Variants in CCDC171 observed in about 807,000 individuals in gnomAD.
CCDC171 encodes the protein coiled-coil domain containing 171, also known as coiled-coil domain-containing protein 171.
Under a neutral mutation model 168.2 loss-of-function variants are expected in CCDC171, and 177 were observed. The ratio of observed to expected loss-of-function variants is 1.05; its 90% CI spans 0.93 to 1.19. The LOEUF is 1.19. CCDC171 is among the 50% of genes most tolerant of loss of function. The pLI is 0.00. For missense variants in CCDC171, 1,991 were observed against 1,539.0 expected (o/e 1.29, Z -4.91); for synonymous variants, 687 against 540.8 (o/e 1.27, Z -3.75).
the CCDC171 span, among the ~76,000 whole-genome samples, chr9:16,099,916 C>T: frequency 1.3e-5 from 2 of 152,148 alleles, no homozygotes; most frequent in African/African-American, 4.8e-5. Context: ...CTCTCACTGG[C>T]CATTGCTTGC....
At chr9:15,588,874 AT>A (rs2041783772) in intron 4 of CCDC171, among the ~76,000 whole-genome samples, 1 of 150,986 alleles carries the variant, frequency 6.6e-6, no homozygotes, top group Non-Finnish European at 1.5e-5. Context: ...CGCCCGGCTA[AT>A]TTTTTGTATT....
rs140677784 is a variant in CCDC171 at position 15,883,655 on chromosome 9, A to T, written c.3600+8992A>T. 6.0e-4 allele frequency among the ~76,000 whole-genome samples: 91 copies of T among 152,306 alleles called. 1 individual carries two copies. The highest frequency in any genetic ancestry group is 1.0e-3 in the Admixed American group (16 of 15,302). On this transcript the variant is annotated intron_variant, in intron 24 of 25. Transcript: ENST00000380701. Reference sequence around the variant, plus strand: ...AAGGGCAAGTAATTGCATCCGTGTAAAGCTTCTGCTACAGTTTTAAAGAAT... The same window carrying T: ...AAGGGCAAGTAATTGCATCCGTGTATAGCTTCTGCTACAGTTTTAAAGAAT...
At chr9:15,867,418 A>G (rs920805282) in intron 23 of CCDC171, among the ~76,000 whole-genome samples, 1 of 152,044 alleles carries the variant, frequency 6.6e-6, no homozygotes, top group Non-Finnish European at 1.5e-5. Flanking sequence ...TGCCTCTAAA[A>G]AACCCAATTT....
intron 7 of CCDC171, among the ~76,000 whole-genome samples, chr9:15,626,761 T>G (rs1313367079): frequency 6.6e-6 from 1 of 152,236 alleles, no homozygotes; most frequent in African/African-American, 2.4e-5. Context: ...TCAGGGATAT[T>G]GGTCTAAAAT....
intron 24 of CCDC171, among the ~76,000 whole-genome samples, chr9:15,904,431 A>G (rs1822203800): frequency 6.6e-6 from 1 of 152,092 alleles, no homozygotes; most frequent in South Asian, 2.1e-4. Context: ...TAAGCTTCAT[A>G]AGTGAAGGAG....
chr9:15,729,898 C>A (rs922689351), intron 16 of CCDC171, 100 bp downstream of exon 16: 2 of 862,546 alleles, frequency 2.3e-6, no homozygotes, highest in Admixed American at 4.9e-5. Flanking sequence ...GTTTAAACTT[C>A]TTAAGAACTT....
At chr9:15,769,643 A>G (rs1447083445) in intron 18 of CCDC171, among the ~76,000 whole-genome samples, 1 of 152,216 alleles carries the variant, frequency 6.6e-6, no homozygotes, top group Non-Finnish European at 1.5e-5. Context: ...CTAATCAGTA[A>G]TCATGAGAGT....
At chr9:15,554,780 G>T (rs770026691) in intron 1 of CCDC171, among the ~76,000 whole-genome samples, 1 of 152,100 alleles carries the variant, frequency 6.6e-6, no homozygotes, top group Non-Finnish European at 1.5e-5. Flanking sequence ...AGCCAGATGT[G>T]GATTTGAATT....
rs189384664 is a variant in CCDC171 at position 15,713,180 on chromosome 9, C to T, written c.1319-8589C>T. Among the ~76,000 whole-genome samples, 151 of 152,336 alleles carry T rather than the reference C, an allele frequency of 9.9e-4. 2 individuals carry two copies. Among genetic ancestry groups the T allele is most frequent in the African/African-American group, 3.3e-3 (136 of 41,572 alleles). On this transcript the variant is annotated intron_variant, in intron 11 of 25. Transcript: ENST00000380701. Reference sequence around the variant, plus strand: ...AATGATAGTCACATCCACTACTTGACGTTCTGCTTACTGGAAGGATTCTTT... The same window carrying T: ...AATGATAGTCACATCCACTACTTGATGTTCTGCTTACTGGAAGGATTCTTT...
chr9:15,955,434 G>A (rs1386217330), intron 25 of CCDC171, among the ~76,000 whole-genome samples: 1 of 152,110 alleles, frequency 6.6e-6, no homozygotes, highest in Non-Finnish European at 1.5e-5. Flanking sequence ...GACAATCAGA[G>A]CACAGATCCT....
At chr9:15,570,662 G>T (rs927379387) in intron 2 of CCDC171, among the ~76,000 whole-genome samples, 1 of 152,102 alleles carries the variant, frequency 6.6e-6, no homozygotes, top group African/African-American at 2.4e-5. Flanking sequence ...GTATCTTTAG[G>T]TATTTTTCAC....
In CCDC171 at chr9:15,666,280, C is replaced by T. The variant is rs750923712; in HGVS notation, c.1033C>T (p.Arg345Ter). ...CAAAGAAGTTGAAAGTGCATATGAGCGAGAAAAGCATAATGCACAAGAGAG... is the reference window on the plus strand; with the variant it reads ...CAAAGAAGTTGAAAGTGCATATGAGTGAGAAAAGCATAATGCACAAGAGAG... ...EFKEVESAYE[R>*]EKHNAQESFA... Residue 345 changes from arginine (R) to a stop codon, truncating the protein, a stop_gained, in exon 9 of 26, where the codon CGA becomes TGA. Transcript: ENST00000380701. LOFTEE classifies it high-confidence loss of function. The T allele has an allele frequency of 9.9e-6, 16 of 1,612,090 alleles. No homozygotes were observed. Among genetic ancestry groups the T allele is most frequent in the African/African-American group, 2.7e-5 (2 of 74,790 alleles).
chr9:15,579,956 C>T (rs2040981534), intron 4 of CCDC171, among the ~76,000 whole-genome samples: 1 of 152,108 alleles, frequency 6.6e-6, no homozygotes, highest in South Asian at 2.1e-4. Flanking sequence ...ATTAAGAGAA[C>T]ACTGAATGTG....
At chr9:15,587,647 G>A (rs763286038) in intron 4 of CCDC171, 13 of 456,546 alleles carry the variant, frequency 2.8e-5, no homozygotes, top group South Asian at 4.6e-5. Context: ...CTTCTCCAGC[G>A]AAGACTAAAG....
At chr9:15,568,256 C>G (rs1377998830) in intron 2 of CCDC171, among the ~76,000 whole-genome samples, 1 of 149,450 alleles carries the variant, frequency 6.7e-6, no homozygotes, top group Non-Finnish European at 1.5e-5. Flanking sequence ...CCATCTACAT[C>G]TCCAATACAT....
At chr9:15,633,628 A>G (rs202006853) in intron 7 of CCDC171, among the ~76,000 whole-genome samples, 4 of 152,112 alleles carry the variant, frequency 2.6e-5, no homozygotes, top group African/African-American at 4.8e-5. Context: ...ATTCCTCAGG[A>G]ATCTAGTACT....
chr9:15,800,751 A>G (rs1295319185), intron 21 of CCDC171, among the ~76,000 whole-genome samples: 1 of 152,100 alleles, frequency 6.6e-6, no homozygotes, highest in East Asian at 1.9e-4. Flanking sequence ...TTGAGCTGTT[A>G]GATTTAAGTC....
At chr9:15,947,766 T>C (rs1007344698) in intron 25 of CCDC171, among the ~76,000 whole-genome samples, 22 of 152,018 alleles carry the variant, frequency 1.4e-4, no homozygotes, top group African/African-American at 4.1e-4. Flanking sequence ...TATTTTTTTT[T>C]CCCAGTGGTT....
intron 7 of CCDC171, among the ~76,000 whole-genome samples, chr9:15,628,974 T>A (rs1352245655): frequency 6.6e-6 from 1 of 152,192 alleles, no homozygotes; most frequent in Non-Finnish European, 1.5e-5. Context: ...GAGGGTCCTG[T>A]CTGTTAGAAG....
Sources: allele counts gnomAD v4.1 joint callset (sites outside exome capture counted in the v4.1 genomes callset), GRCh38; gene constraint gnomAD v4.1.1; transcripts MANE v1.5; gene names NCBI Gene and HGNC (gene_info 2026-07-23, HGNC 2026-07-21).